Variants in ABCA8 observed in about 807,000 individuals in gnomAD.
ABCA8 encodes ABC-type organic anion transporter ABCA8.
Under a neutral mutation model 192.3 loss-of-function variants are expected in ABCA8, and 177 were observed. The ratio of observed to expected loss-of-function variants is 0.92; its 90% CI spans 0.81 to 1.04. The LOEUF (loss-of-function observed/expected upper bound fraction) is 1.04. ABCA8 is among the 50% of genes least tolerant of loss of function. ABCA8 has a pLI of 0.00. For missense variants in ABCA8, 1,915 were observed against 1,904.8 expected (o/e 1.01, Z -0.10); for synonymous variants, 642 against 690.2 (o/e 0.93, Z 1.09).
intron 1 of ABCA8, among the ~76,000 whole-genome samples, chr17:68,950,780 G>A (rs2068547477): frequency 1.3e-5 from 2 of 152,134 alleles, no homozygotes; most frequent in Admixed American, 1.3e-4. Context: ...CTGAGAAAAT[G>A]GATTCTGGAG....
chr17:68,889,647 G>A (rs1321717425), intron 24 of ABCA8, among the ~76,000 whole-genome samples: 1 of 152,176 alleles, frequency 6.6e-6, no homozygotes, highest in East Asian at 1.9e-4. Flanking sequence ...TAGGCAAGGT[G>A]TAGAACAACC....
In ABCA8 at chr17:68,881,206, C is replaced by T. The variant is rs1204905775; in HGVS notation, c.3952G>A (p.Val1318Ile). 40 of 1,610,308 alleles carry T rather than the reference C, an allele frequency of 2.5e-5. No individual in the cohort carries two copies. Among genetic ancestry groups the T allele is most frequent in the Non-Finnish European group, 3.1e-5 (37 of 1,177,140 alleles). ...CCATTGTGTCCTAATAATCCTAAAA[C>T]TTCACCTGAAAAAAAGGTTACACTT... ...NVSFCVRKGE[V>I]LGLLGHNGAG... Residue 1318 changes from valine to isoleucine, a missense_variant, in exon 32 of 40, where the codon GTT becomes ATT. Val to Ile is a conservative substitution (Grantham distance 29). Transcript: ENST00000586539.
At chr17:68,905,980 C>A (rs1324743794) in intron 19 of ABCA8, 64 bp downstream of exon 19, 3 of 1,419,518 alleles carry the variant, frequency 2.1e-6, no homozygotes, top group Non-Finnish European at 2.8e-6. Context: ...GTAATCACAT[C>A]TTTGGAACAG....
intron 29 of ABCA8, among the ~76,000 whole-genome samples, chr17:68,883,223 G>T (rs2066376289): frequency 6.6e-6 from 1 of 152,158 alleles, no homozygotes; most frequent in Admixed American, 6.5e-5. Context: ...TTAAAGGTCT[G>T]CTTTCATCTT....
intron 17 of ABCA8, 134 bp downstream of exon 17, chr17:68,917,227 T>C (rs116810766): frequency 1.8e-6 from 1 of 550,286 alleles, no homozygotes; most frequent in South Asian, 3.3e-5. Context: ...GCCGAGATGA[T>C]CGATACTCCG....
At chr17:68,871,104 C>A (rs1316007097) in intron 37 of ABCA8, among the ~76,000 whole-genome samples, 2 of 151,968 alleles carry the variant, frequency 1.3e-5, no homozygotes, top group African/African-American at 2.4e-5. Context: ...TAATTTATTT[C>A]TTATTATTCT....
At chr17:68,929,479 G>A in intron 8 of ABCA8, 82 bp downstream of exon 8, 2 of 1,417,092 alleles carry the variant, frequency 1.4e-6, no homozygotes, top group Non-Finnish European at 1.9e-6. Flanking sequence ...AGAAAAAAAA[G>A]GAGGCATACA....
At chr17:68,927,654 A>C in intron 10 of ABCA8, among the ~76,000 whole-genome samples, 1 of 152,256 alleles carries the variant, frequency 6.6e-6, no homozygotes, top group East Asian at 1.9e-4. Context: ...GAGGTCTAAA[A>C]AAAAAAATAC....
At chr17:68,893,336 G>A (rs1402244053) in intron 23 of ABCA8, among the ~76,000 whole-genome samples, 1 of 152,124 alleles carries the variant, frequency 6.6e-6, no homozygotes, top group African/African-American at 2.4e-5. Flanking sequence ...AACTTAAAGG[G>A]CTATATACAT....
chr17:68,874,722 G>C (rs950368195), intron 37 of ABCA8, among the ~76,000 whole-genome samples: 5 of 151,990 alleles, frequency 3.3e-5, no homozygotes, highest in African/African-American at 2.4e-5. Context: ...AATTCTAGGT[G>C]TTAAAAATGA....
chr17:68,943,313 A>C (rs1192766572), intron 2 of ABCA8, among the ~76,000 whole-genome samples: 1 of 152,188 alleles, frequency 6.6e-6, no homozygotes, highest in Non-Finnish European at 1.5e-5. Context: ...ATGCAGAGTC[A>C]TCAGGAAAAA....
intron 13 of ABCA8, among the ~76,000 whole-genome samples, chr17:68,920,802 G>A (rs919556635): frequency 1.3e-5 from 2 of 152,012 alleles, no homozygotes; most frequent in Non-Finnish European, 2.9e-5. Flanking sequence ...CGATTCCTCA[G>A]GGATCTAGAA....
chr17:68,877,002 TTTATTA>T, intron 33 of ABCA8, among the ~76,000 whole-genome samples: 1 of 152,196 alleles, frequency 6.6e-6, no homozygotes, highest in South Asian at 2.1e-4. Flanking sequence ...AATTTTAAAT[TTTATTA>T]TTATTATTTT....
At chr17:68,908,865 C>T (rs946678026) in intron 17 of ABCA8, among the ~76,000 whole-genome samples, 6 of 152,146 alleles carry the variant, frequency 3.9e-5, no homozygotes, top group Non-Finnish European at 2.9e-5. Context: ...TGATTCCCAG[C>T]CTCTAGGGTT....
At chr17:68,886,829 G>A (rs2066472888) in intron 26 of ABCA8, 188 bp downstream of exon 26, 1 of 345,354 alleles carries the variant, frequency 2.9e-6, no homozygotes. Context: ...GAGGCTTTAT[G>A]GAATTAATTC....
chr17:68,871,910 C>T (rs887750517), intron 37 of ABCA8, among the ~76,000 whole-genome samples: 2 of 151,944 alleles, frequency 1.3e-5, no homozygotes, highest in African/African-American at 2.4e-5. Context: ...ATATACTATA[C>T]TATACCATAC....
rs746897494 is a variant in ABCA8, at chr17:68,940,755, T to TA, written c.301+2dup. The TA allele has an allele frequency of 1.1e-5, 18 of 1,611,238 alleles. No homozygotes were observed. In the South Asian group the frequency reaches 2.0e-4, roughly 18 times the overall value. ...ATTCTTCTTAAGTAACTAGAAAACT[T>TA]ACCTGCCAGGAAGGGAGTAGAGGCT... On this transcript the variant is annotated splice_region_variant and intron_variant, in intron 4 of 39. Transcript: ENST00000586539.
chr17:68,924,664 G>C (rs1448359045), intron 11 of ABCA8, 37 bp downstream of exon 11: 2 of 1,592,582 alleles, frequency 1.3e-6, no homozygotes, highest in Non-Finnish European at 1.7e-6. Context: ...TTAGCTTCCT[G>C]CCTTTTTGCC....
chr17:68,907,862 A>G lies in ABCA8; in HGVS notation c.2156T>C (p.Ile719Thr), dbSNP rs201463363. ...TGATGTTATGTTTTCCTCAACACAT[A>G]TTTCATTTAACTGCAAGCTGGCATT... ...GYHLSLQLNE[I>T]CVEENITSLV... is the part of the protein sequence containing the mutation. The change falls in exon 18 of 40, where the codon ATA becomes ACA. Residue 719 changes from isoleucine (I) to threonine (T), a missense_variant. Physicochemically the swap from Ile to Thr is moderately conservative, Grantham distance 89. Coordinates refer to ENST00000586539, the MANE Select transcript of ABCA8 (RefSeq NM_001288985.2). 6.3e-7 allele frequency: 1 copy of G among 1,581,974 alleles called. No individual in the cohort carries two copies. Among genetic ancestry groups the G allele is most frequent in the East Asian group, 2.2e-5 (1 of 44,446 alleles).
Sources: gnomAD v4.1 joint callset for allele counts (sites outside exome capture counted in the v4.1 genomes callset) on GRCh38, gnomAD v4.1.1 for gene constraint, MANE v1.5 for transcripts, NCBI Gene and HGNC (gene_info 2026-07-23, HGNC 2026-07-21) for gene names.